Variants in BAZ1A observed in about 807,000 individuals in gnomAD.
The protein encoded by BAZ1A is bromodomain adjacent to zinc finger domain 1A.
In BAZ1A, 50 loss-of-function variants were observed where a neutral mutation model predicts 185.2. That is an observed-to-expected ratio of 0.27 (90% CI 0.22 to 0.34). The LOEUF (loss-of-function observed/expected upper bound fraction) is 0.34. BAZ1A is among the 10% of genes least tolerant of loss of function. BAZ1A has a pLI of 1.00. For missense variants in BAZ1A, 1,356 were observed against 1,839.9 expected (o/e 0.74, Z 4.81); for synonymous variants, 571 against 615.6 (o/e 0.93, Z 1.07).
chr14:34,753,081 C>T lies in BAZ1A; in HGVS notation c.*427G>A, dbSNP rs1282328076. The T allele has an allele frequency of 6.5e-6, 1 of 152,858 alleles. No homozygotes were observed. Among genetic ancestry groups the T allele is most frequent in the Non-Finnish European group, 1.4e-5 (1 of 70,426 alleles). 9.5% of individuals were successfully genotyped at this position (152,858 alleles called of 1,614,324 possible). ...ATGTGTAGTGTTGAAAGAATGTACT[C>T]AAACAATTAATTAAGACATAAACAC... On this transcript the variant is annotated 3_prime_UTR_variant, in exon 27 of 27. Transcript: ENST00000360310.
chr14:34,856,973 C>T (rs1284254827), intron 3 of BAZ1A, among the ~76,000 whole-genome samples: 1 of 150,444 alleles, frequency 6.6e-6, no homozygotes, highest in African/African-American at 2.4e-5. Context: ...GATGGCTAAA[C>T]TGATACATTA....
intron 12 of BAZ1A, among the ~76,000 whole-genome samples, chr14:34,788,050 ACT>A (rs1880599067): frequency 1.3e-5 from 2 of 150,510 alleles, no homozygotes; most frequent in African/African-American, 4.9e-5. Flanking sequence ...ATGGAGTCTC[ACT>A]CTGTCACCCA....
intron 6 of BAZ1A, 132 bp from the exon 7 acceptor site, chr14:34,803,120 C>T: frequency 2.1e-6 from 2 of 952,368 alleles, no homozygotes; most frequent in East Asian, 2.5e-5. Context: ...GTGGCTCATG[C>T]CTGTAATCCC....
chr14:34,771,751 CT>C, intron 20 of BAZ1A, 92 bp from the exon 21 acceptor site: 1 of 1,199,856 alleles, frequency 8.3e-7, no homozygotes, highest in South Asian at 1.6e-5. Flanking sequence ...TTATTTATAC[CT>C]TTGTAAAAAA....
intron 21 of BAZ1A, among the ~76,000 whole-genome samples, chr14:34,767,463 T>C (rs1273771610): frequency 1.3e-5 from 2 of 152,090 alleles, no homozygotes; most frequent in African/African-American, 2.4e-5. Flanking sequence ...GGCAGGAGAA[T>C]TGCTTGAACC....
chr14:34,826,220 A>G (rs923114329), intron 3 of BAZ1A, 64 bp from the exon 4 acceptor site: 3 of 1,535,234 alleles, frequency 2.0e-6, no homozygotes, highest in Non-Finnish European at 2.7e-6. Flanking sequence ...AACATGTCAG[A>G]GCAATCGAAT....
At position 34,754,803 on chromosome 14, in the gene BAZ1A, CAAAG is replaced by C; in HGVS notation, c.4474+20_4474+23del. 6.7e-7 allele frequency: 1 copy of C among 1,483,906 alleles called. No homozygotes were observed. The highest frequency in any genetic ancestry group is 9.2e-7 in the Non-Finnish European group (1 of 1,086,620). The allele number at this position is 1,483,906 out of a possible 1,614,324, so 91.9% of individuals were successfully genotyped here. A position where few individuals can be genotyped will look rare whatever the true frequency, so the allele number is the denominator to read the frequency against. On this transcript the variant is annotated intron_variant, in intron 26 of 26. Transcript: ENST00000360310. ...CAAAATGCCTTAGAAAAATAAATATCAAAGAAAAACATAAATTACTTACATGCTA... is the reference window on the plus strand; with the variant it reads ...CAAAATGCCTTAGAAAAATAAATATCAAAAACATAAATTACTTACATGCTA...
intron 9 of BAZ1A, among the ~76,000 whole-genome samples, chr14:34,796,880 T>C (rs920371585): frequency 6.6e-6 from 1 of 152,188 alleles, no homozygotes; most frequent in African/African-American, 2.4e-5. Context: ...TCTTATAGGA[T>C]CAAATAAGGT....
At chr14:34,777,959 T>C (rs1879760142) in intron 17 of BAZ1A, among the ~76,000 whole-genome samples, 1 of 152,076 alleles carries the variant, frequency 6.6e-6, no homozygotes, top group South Asian at 2.1e-4. Flanking sequence ...CCACTGCACA[T>C]CCCAGCCTGG....
chr14:34,785,462 G>T (rs888320191), intron 14 of BAZ1A, among the ~76,000 whole-genome samples: 1 of 152,030 alleles, frequency 6.6e-6, no homozygotes, highest in African/African-American at 2.4e-5. Context: ...CAAGTGAATG[G>T]CAGGATTTAG....
At position 34,783,769 on chromosome 14, in the gene BAZ1A, C is replaced by A. The variant is rs771257466; in HGVS notation, c.1990G>T (p.Ala664Ser). Residue 664 changes from alanine (A) to serine (S), a missense_variant, in exon 15 of 27, where the codon GCT (alanine) becomes TCT (serine). By Grantham distance (99) the Ala-to-Ser change is moderately conservative. Coordinates refer to ENST00000360310, the MANE Select transcript of BAZ1A (RefSeq NM_013448.3). ...EQHRKEREEA[A>S]ARIRKRKEEK... is the part of the protein sequence containing the mutation. The stretch of plus-strand genomic sequence containing the variant: ...ATTACAATTATCTCTTACCTGGCAG[C>A]TGCTTCTTCCCTCTCTTTTCGATGT... 2 of 1,603,662 alleles carry A rather than the reference C, an allele frequency of 1.2e-6. No homozygotes were observed. The highest frequency in any genetic ancestry group is 1.7e-6 in the Non-Finnish European group (2 of 1,177,294).
intron 3 of BAZ1A, among the ~76,000 whole-genome samples, chr14:34,846,833 C>A (rs2042520073): frequency 6.6e-6 from 1 of 152,078 alleles, no homozygotes; most frequent in East Asian, 1.9e-4. Flanking sequence ...AGAGAAAGAA[C>A]AGTTATCCCT....
chr14:34,756,466 A>ATTTTTT (rs1158606061), intron 25 of BAZ1A, among the ~76,000 whole-genome samples: 6 of 79,014 alleles, frequency 7.6e-5, no homozygotes, highest in African/African-American at 2.2e-4. Context: ...CAGAATACCT[A>ATTTTTT]TTTTTTTTTT....
intron 16 of BAZ1A, among the ~76,000 whole-genome samples, chr14:34,780,633 A>G (rs1050246270): frequency 8.5e-5 from 13 of 152,186 alleles, no homozygotes; most frequent in Non-Finnish European, 1.5e-5. Context: ...AGTGTGTGCT[A>G]CAGAGGAATA....
At chr14:34,784,851 T>C (rs1880329860) in intron 14 of BAZ1A, among the ~76,000 whole-genome samples, 1 of 150,910 alleles carries the variant, frequency 6.6e-6, no homozygotes, top group African/African-American at 2.4e-5. Context: ...CGAATTTGCA[T>C]GTCATGTTTT....
intron 7 of BAZ1A, among the ~76,000 whole-genome samples, chr14:34,801,906 A>AAAG (rs10683706): frequency 3.1e-5 from 1 of 32,778 alleles, no homozygotes; most frequent in Non-Finnish European, 6.2e-5. Flanking sequence ...ACTCCATCTC[A>AAAG]AAAAAAAAAA....
chr14:34,785,877 T>C lies in BAZ1A; in HGVS notation c.1731A>G (p.Gly577=). The change falls in exon 14 of 27, where the codon GGA becomes GGG. Residue 577 remains glycine, a synonymous_variant. Transcript: ENST00000360310. ...ANAKYRYQKR[G]GFDATDDACM... ...AAGCATCATCTGTAGCATCAAATCC[T>C]CCTCGTTTTTGATATCTATACTTTG... 1 of 1,614,114 alleles carries C rather than the reference T, an allele frequency of 6.2e-7. No homozygotes were observed. Among genetic ancestry groups the C allele is most frequent in the Non-Finnish European group, 8.5e-7 (1 of 1,180,028 alleles).
At chr14:34,792,117 T>C (rs201091559) in intron 12 of BAZ1A, among the ~76,000 whole-genome samples, 4 of 152,186 alleles carry the variant, frequency 2.6e-5, no homozygotes, top group Non-Finnish European at 5.9e-5. Context: ...GGCGCAGTGG[T>C]TCACGCCTGT....
At chr14:34,835,253 G>C (rs1312618458) in intron 3 of BAZ1A, among the ~76,000 whole-genome samples, 1 of 151,798 alleles carries the variant, frequency 6.6e-6, no homozygotes, top group Non-Finnish European at 1.5e-5. Context: ...GTAGAGATAG[G>C]GTTTCACTAT....
Sources: allele counts gnomAD v4.1 joint callset (sites outside exome capture counted in the v4.1 genomes callset), GRCh38; gene constraint gnomAD v4.1.1; transcripts MANE v1.5; gene names NCBI Gene and HGNC (gene_info 2026-07-23, HGNC 2026-07-21).